VWC2L: variants seen among roughly 807,000 people sequenced by gnomAD.
VWC2L encodes von Willebrand factor C domain containing 2 like.
In VWC2L, 10 loss-of-function variants were observed where a neutral mutation model predicts 21.6. The observed-to-expected ratio is 0.46, with a 90% CI of 0.29 to 0.78. The LOEUF is 0.78. VWC2L is among the 30% of genes least tolerant of loss of function. The pLI, the probability that VWC2L is intolerant of heterozygous loss-of-function variation, is 0.10. For missense variants in VWC2L, 209 were observed against 277.1 expected (o/e 0.75, Z 1.74); for synonymous variants, 96 against 94.3 (o/e 1.02, Z -0.10).
intron 3 of VWC2L, among the ~76,000 whole-genome samples, chr2:214,530,774 T>G (rs1689420977): frequency 6.6e-6 from 1 of 152,176 alleles, no homozygotes; most frequent in African/African-American, 2.4e-5. Flanking sequence ...AATGTATACT[T>G]ATATAAAATT....
intron 3 of VWC2L, among the ~76,000 whole-genome samples, chr2:214,490,189 C>T (rs867083392): frequency 1.1e-4 from 16 of 152,166 alleles, no homozygotes; most frequent in Non-Finnish European, 1.5e-4. Context: ...CAGACTGAGA[C>T]CTGGACTTAG....
intron 3 of VWC2L, among the ~76,000 whole-genome samples, chr2:214,494,088 C>CAGTGGATGTCTACAATTACAGT (rs1293480445): frequency 6.2e-4 from 95 of 152,190 alleles, no homozygotes; most frequent in African/African-American, 2.1e-3. Flanking sequence ...ACATCCACTC[C>CAGTGGATGTCTACAATTACAGT]ATTTTGCTAC....
At chr2:214,498,550 CTATATGAATACTATAATA>C (rs1688842886) in intron 3 of VWC2L, among the ~76,000 whole-genome samples, 1 of 151,670 alleles carries the variant, frequency 6.6e-6, no homozygotes, top group South Asian at 2.1e-4. Context: ...TTTTGAAATG[CTATATGAATACTATAATA>C]TATAAAAAAG....
At chr2:214,462,213 G>A (rs1452888792) in intron 3 of VWC2L, among the ~76,000 whole-genome samples, 1 of 152,134 alleles carries the variant, frequency 6.6e-6, no homozygotes, top group African/African-American at 2.4e-5. Context: ...ACAATCTCAT[G>A]GACTCCAGGC....
At chr2:214,522,370 G>A (rs1245656443) in intron 3 of VWC2L, among the ~76,000 whole-genome samples, 1 of 68,060 alleles carries the variant, frequency 1.5e-5, no homozygotes, top group East Asian at 4.9e-4. Context: ...GCGAGACCCC[G>A]TCTCAAAAAA....
intron 3 of VWC2L, among the ~76,000 whole-genome samples, chr2:214,545,531 T>C (rs1574629026): frequency 6.6e-6 from 1 of 152,210 alleles, no homozygotes; most frequent in Non-Finnish European, 1.5e-5. Flanking sequence ...CCAAACAAAG[T>C]AAATGACATC....
At chr2:214,437,491 G>A (rs1360541791) in intron 3 of VWC2L, among the ~76,000 whole-genome samples, 6 of 152,036 alleles carry the variant, frequency 3.9e-5, no homozygotes, top group Non-Finnish European at 5.9e-5. Context: ...AGCCAATAGC[G>A]CACTTTGCCT....
chr2:214,454,394 T>G (rs1210333072), intron 3 of VWC2L, among the ~76,000 whole-genome samples: 1 of 152,010 alleles, frequency 6.6e-6, no homozygotes, highest in Non-Finnish European at 1.5e-5. Context: ...AAGTATAATT[T>G]TATTAACAGG....
chr2:214,478,477 A>C (rs1196362413), intron 3 of VWC2L, among the ~76,000 whole-genome samples: 4 of 151,762 alleles, frequency 2.6e-5, no homozygotes, highest in African/African-American at 9.7e-5. Flanking sequence ...TCAAAAAAAA[A>C]AAAACAACAA....
chr2:214,460,699 T>G (rs1278247145), intron 3 of VWC2L, among the ~76,000 whole-genome samples: 1 of 152,236 alleles, frequency 6.6e-6, no homozygotes, highest in African/African-American at 2.4e-5. Flanking sequence ...TTTGTTTATC[T>G]GGGTTCTCTT....
At chr2:214,529,852 T>C (rs1201364003) in intron 3 of VWC2L, among the ~76,000 whole-genome samples, 5 of 152,194 alleles carry the variant, frequency 3.3e-5, no homozygotes, top group Admixed American at 3.3e-4. Context: ...AAGTGATTCA[T>C]GCTTACGCTC....
chr2:214,454,403 G>A (rs891586248), intron 3 of VWC2L, among the ~76,000 whole-genome samples: 2 of 150,932 alleles, frequency 1.3e-5, no homozygotes, highest in Non-Finnish European at 2.9e-5. Flanking sequence ...TTTATTAACA[G>A]GTTTTTCATA....
intron 3 of VWC2L, among the ~76,000 whole-genome samples, chr2:214,519,400 GATC>G (rs1428393812): frequency 2.0e-5 from 3 of 152,162 alleles, no homozygotes; most frequent in Non-Finnish European, 4.4e-5. Context: ...TATGCAAATA[GATC>G]ATGTCAATAT....
chr2:214,474,650 T>G (rs1256565712), intron 3 of VWC2L, among the ~76,000 whole-genome samples: 1 of 152,142 alleles, frequency 6.6e-6, no homozygotes, highest in African/African-American at 2.4e-5. Flanking sequence ...CCTGTGGCAA[T>G]AGAGAGACTA....
chr2:214,567,577 C>CAGAGAGAGAGAG (rs1197923993), intron 3 of VWC2L, among the ~76,000 whole-genome samples: 3 of 73,698 alleles, frequency 4.1e-5, no homozygotes, highest in African/African-American at 1.1e-4. Context: ...CACACACACA[C>CAGAGAGAGAGAG]ACACACACAC....
At chr2:214,488,621 C>T (rs1252499912) in intron 3 of VWC2L, among the ~76,000 whole-genome samples, 2 of 152,010 alleles carry the variant, frequency 1.3e-5, no homozygotes, top group Admixed American at 6.6e-5. Context: ...AAACAAAAAC[C>T]CTGTTAGGCA....
At chr2:214,447,538 C>G (rs1321144126) in intron 3 of VWC2L, among the ~76,000 whole-genome samples, 1 of 152,130 alleles carries the variant, frequency 6.6e-6, no homozygotes, top group Admixed American at 6.6e-5. Context: ...AATCCCAGAG[C>G]CAACCGCGCC....
At chr2:214,430,684 G>C (rs1702587940) in intron 2 of VWC2L, among the ~76,000 whole-genome samples, 1 of 152,010 alleles carries the variant, frequency 6.6e-6, no homozygotes, top group South Asian at 2.1e-4. Flanking sequence ...TTTTTTGATA[G>C]ACATGCTGAA....
At chr2:214,451,525 A>C (rs779628842) in intron 3 of VWC2L, among the ~76,000 whole-genome samples, 1 of 152,146 alleles carries the variant, frequency 6.6e-6, no homozygotes, top group Non-Finnish European at 1.5e-5. Context: ...AAGTGGAAAT[A>C]GGTGGGAGAT....
Sources: allele counts gnomAD v4.1 joint callset (sites outside exome capture counted in the v4.1 genomes callset), GRCh38; gene constraint gnomAD v4.1.1; transcripts MANE v1.5; gene names NCBI Gene and HGNC (gene_info 2026-07-23, HGNC 2026-07-21).